The following MFSD6 variants were observed in gnomAD, a reference collection of about 807,000 sequenced individuals.
The protein encoded by MFSD6 is major facilitator superfamily domain containing 6, also known as major facilitator superfamily domain-containing protein 6.
A neutral mutation model predicts 56.3 loss-of-function variants in MFSD6; 26 were observed. That is an observed-to-expected ratio of 0.46 (90% CI 0.34 to 0.64). MFSD6 has a LOEUF of 0.64. MFSD6 is among the 30% of genes least tolerant of loss of function. MFSD6 has a pLI of 0.01. For synonymous variants in MFSD6, 331 were observed against 366.9 expected (o/e 0.90, Z 1.12); for missense variants, 750 against 986.2 (o/e 0.76, Z 3.21).
In MFSD6 at chr2:190,491,850, T is replaced by C. The variant is rs1466871954; in HGVS notation, c.1891+1984T>C. Among the ~76,000 whole-genome samples, 2 of 152,164 alleles carry C rather than the reference T, an allele frequency of 1.3e-5. No individual in the cohort carries two copies. The highest frequency in any genetic ancestry group is 2.9e-5 in the Non-Finnish European group (2 of 68,034). On this transcript the variant is annotated intron_variant, in intron 6 of 7. Coordinates refer to ENST00000392328, the MANE Select transcript of MFSD6 (RefSeq NM_017694.4). The surrounding 1 kb of genome is among the most constrained non-coding windows in gnomAD (Gnocchi z 4.2). ...GAAAAAGAATTCAGAAGGTCCATTATTAAGTTAATCAAGGAGGCACTAGAG... is the reference window on the plus strand; with the variant it reads ...GAAAAAGAATTCAGAAGGTCCATTACTAAGTTAATCAAGGAGGCACTAGAG...
At chr2:190,407,579 C>G (rs762371347), upstream of MFSD6, among the ~76,000 whole-genome samples, 18 of 152,178 alleles carry the variant, frequency 1.2e-4, no homozygotes, top group Non-Finnish European at 2.6e-4. The surrounding 1 kb of genome is among the most constrained non-coding windows in gnomAD (Gnocchi z 5.4). Context: ...CACAGGCACA[C>G]AGACATACTT....
chr2:190,487,156 C>T lies in MFSD6; in HGVS notation c.1631-1501C>T, dbSNP rs936481008. ...AAGAGATCAAGACCATCCTGGCCAACGTGGTGAAACCCTGTCTCTACTAAA... is the reference window on the plus strand; with the variant it reads ...AAGAGATCAAGACCATCCTGGCCAATGTGGTGAAACCCTGTCTCTACTAAA... On this transcript the variant is annotated intron_variant, in intron 4 of 7. Transcript: ENST00000392328. This position sits in a 1 kb window ranked among gnomAD's most constrained non-coding sequence, Gnocchi z 5.5. Among the ~76,000 whole-genome samples the T allele has an allele frequency of 2.6e-5, 4 of 151,834 alleles. No homozygotes were observed. The highest frequency in any genetic ancestry group is 2.1e-4 in the South Asian group (1 of 4,826).
At chr2:190,440,504 G>C (rs570854510) in intron 3 of MFSD6, among the ~76,000 whole-genome samples, 3 of 152,274 alleles carry the variant, frequency 2.0e-5, no homozygotes, top group Non-Finnish European at 2.9e-5. Context: ...TGATTAACAG[G>C]ATATAAATGT....
chr2:190,431,528 C>A lies in MFSD6; in HGVS notation c.-53-4449C>A, dbSNP rs1263881694. On this transcript the variant is annotated intron_variant, in intron 2 of 7. Transcript: ENST00000392328. This position sits in a 1 kb window ranked among gnomAD's most constrained non-coding sequence, Gnocchi z 4.4. ...GACTAGCCCGGCCAACACAGCGAAA[C>A]CCCGTCTCCACCAAAAAAATACGAA... Among the ~76,000 whole-genome samples the A allele has an allele frequency of 6.6e-6, 1 of 152,178 alleles. No individual in the cohort carries two copies.
chr2:190,434,917 C>T lies in MFSD6; in HGVS notation c.-53-1060C>T, dbSNP rs1161248869. Among the ~76,000 whole-genome samples, 1 of 152,168 alleles carries T rather than the reference C, an allele frequency of 6.6e-6. No homozygotes were observed. The highest frequency in any genetic ancestry group is 1.5e-5 in the Non-Finnish European group (1 of 68,026). ...AAGCATTATCACATGAGCTCTTCCTCCTGTCAGATCAGCAGAGGTATTAGA... is the reference window on the plus strand; with the variant it reads ...AAGCATTATCACATGAGCTCTTCCTTCTGTCAGATCAGCAGAGGTATTAGA... On this transcript the variant is annotated intron_variant, in intron 2 of 7. Coordinates refer to ENST00000392328, the MANE Select transcript of MFSD6 (RefSeq NM_017694.4). The surrounding 1 kb of genome is among the most constrained non-coding windows in gnomAD (Gnocchi z 4.3).
rs148184643 is a variant in MFSD6, at chr2:190,415,942, C to T, written c.-54+529C>T. Among the ~76,000 whole-genome samples the T allele has an allele frequency of 6.6e-6, 1 of 152,302 alleles. No individual in the cohort carries two copies. Among genetic ancestry groups the T allele is most frequent in the Non-Finnish European group, 1.5e-5 (1 of 68,022 alleles). ...CTTTATTTAACCCTCTTAACTTCCT[C>T]AGTGTCTAATAGTGTTAGAATAGCT... On this transcript the variant is annotated intron_variant, in intron 2 of 7. Transcript: ENST00000392328. This position sits in a 1 kb window ranked among gnomAD's most constrained non-coding sequence, Gnocchi z 4.5.
At chr2:190,419,266 A>T (rs2124993550) in intron 2 of MFSD6, among the ~76,000 whole-genome samples, 1 of 152,322 alleles carries the variant, frequency 6.6e-6, no homozygotes, top group Non-Finnish European at 1.5e-5. Flanking sequence ...CTAGATTCTA[A>T]CGCTCTTTTA....
rs1461017600 is a variant in MFSD6 at position 190,498,150 on chromosome 2, T to G, written c.2172+431T>G. Among the ~76,000 whole-genome samples the G allele has an allele frequency of 6.6e-6, 1 of 152,208 alleles. No homozygotes were observed. Among genetic ancestry groups the G allele is most frequent in the Non-Finnish European group, 1.5e-5 (1 of 68,030 alleles). On this transcript the variant is annotated intron_variant, in intron 7 of 7. Transcript: ENST00000392328. The surrounding 1 kb of genome is among the most constrained non-coding windows in gnomAD (Gnocchi z 5.9). Reference sequence around the variant, plus strand: ...GGGTCTGATAGGACACCTAACTCAGTGGAATTATGGTTATGCAGGTGGCCT... The same window carrying G: ...GGGTCTGATAGGACACCTAACTCAGGGGAATTATGGTTATGCAGGTGGCCT...
chr2:190,452,155 T>C (rs944768328), intron 3 of MFSD6, among the ~76,000 whole-genome samples: 1 of 152,070 alleles, frequency 6.6e-6, no homozygotes, highest in South Asian at 2.1e-4. Context: ...AAAATAAGTT[T>C]AAAAATCTCC....
chr2:190,479,446 GTTTATA>G (rs1397463950), intron 4 of MFSD6, among the ~76,000 whole-genome samples: 1 of 152,128 alleles, frequency 6.6e-6, no homozygotes, highest in Non-Finnish European at 1.5e-5. Context: ...GTGGTGAATA[GTTTATA>G]TTTATTTCTC....
chr2:190,414,687 C>T (rs1690704033), intron 1 of MFSD6, among the ~76,000 whole-genome samples: 1 of 152,106 alleles, frequency 6.6e-6, no homozygotes, highest in Non-Finnish European at 1.5e-5. Context: ...TCCTAATTGT[C>T]ACTCAAATGT....
At chr2:190,466,487 GCGAAT>G (rs895833457) in intron 3 of MFSD6, among the ~76,000 whole-genome samples, 1 of 152,202 alleles carries the variant, frequency 6.6e-6, no homozygotes, top group African/African-American at 2.4e-5. Context: ...AGGAAGGAAT[GCGAAT>G]GCTCTTGTCT....
chr2:190,450,187 C>T (rs1044465872), intron 3 of MFSD6, among the ~76,000 whole-genome samples: 2 of 151,994 alleles, frequency 1.3e-5, no homozygotes, highest in African/African-American at 4.8e-5. Context: ...TTTTATTGTA[C>T]AAGTCAAAAG....
rs975842192 is a variant in MFSD6, at chr2:190,451,665, G to T, written c.1532+14104G>T. The stretch of plus-strand genomic sequence containing the variant: ...CTGGGAGACTTTCCCTGAGGAAGTG[G>T]CATTTGAGCAGAGTCCTGAATGGAA... On this transcript the variant is annotated intron_variant, in intron 3 of 7. Coordinates refer to ENST00000392328, the MANE Select transcript of MFSD6 (RefSeq NM_017694.4). The surrounding 1 kb of genome is among the most constrained non-coding windows in gnomAD (Gnocchi z 5.0). Among the ~76,000 whole-genome samples the T allele has an allele frequency of 6.6e-6, 1 of 152,220 alleles. No individual in the cohort carries two copies. Among genetic ancestry groups the T allele is most frequent in the Non-Finnish European group, 1.5e-5 (1 of 68,036 alleles).
At chr2:190,428,395 G>A (rs992954224) in intron 2 of MFSD6, among the ~76,000 whole-genome samples, 5 of 152,130 alleles carry the variant, frequency 3.3e-5, no homozygotes, top group Non-Finnish European at 7.3e-5. Context: ...TTAAAGTAGT[G>A]TATCAATTTA....
At chr2:190,422,504 T>C (rs558307650) in intron 2 of MFSD6, among the ~76,000 whole-genome samples, 1 of 152,342 alleles carries the variant, frequency 6.6e-6, no homozygotes, top group African/African-American at 2.4e-5. Flanking sequence ...AATGTCTTTA[T>C]TTCACCCATA....
intron 3 of MFSD6, among the ~76,000 whole-genome samples, chr2:190,450,488 C>CCTTT (rs755541813): frequency 2.1e-5 from 2 of 97,264 alleles, no homozygotes; most frequent in East Asian, 6.5e-4. Flanking sequence ...TCTCTTTTTC[C>CCTTT]TTTTTTTTTT....
chr2:190,452,242 C>T, intron 3 of MFSD6, among the ~76,000 whole-genome samples: 1 of 151,986 alleles, frequency 6.6e-6, no homozygotes, highest in Non-Finnish European at 1.5e-5. Flanking sequence ...GAGACAGAGC[C>T]AGACTCCATC....
At chr2:190,429,739 C>G (rs1008575208) in intron 2 of MFSD6, among the ~76,000 whole-genome samples, 1 of 151,966 alleles carries the variant, frequency 6.6e-6, no homozygotes, top group African/African-American at 2.4e-5. Context: ...ATGTTTTCTT[C>G]TAAAAGCTAT....
Sources: allele counts gnomAD v4.1 joint callset (sites outside exome capture counted in the v4.1 genomes callset), GRCh38; gene constraint gnomAD v4.1.1; non-coding constraint Gnocchi (gnomAD v3.1); transcripts MANE v1.5; gene names NCBI Gene and HGNC (gene_info 2026-07-23, HGNC 2026-07-21).